The following TAS1R2 variants were observed in gnomAD, a reference collection of about 807,000 sequenced individuals.
TAS1R2 encodes taste 1 receptor member 2.
A neutral mutation model predicts 49.3 loss-of-function variants in TAS1R2; 47 were observed. The ratio of observed to expected loss-of-function variants is 0.95; its 90% CI spans 0.75 to 1.22. The LOEUF (loss-of-function observed/expected upper bound fraction) is 1.22. TAS1R2 is among the 50% of genes most tolerant of loss of function. TAS1R2 has a pLI of 0.00. For missense variants in TAS1R2, 1,155 were observed against 1,122.1 expected (o/e 1.03, Z -0.42); for synonymous variants, 479 against 467.9 (o/e 1.02, Z -0.31).
intron 5 of TAS1R2, among the ~76,000 whole-genome samples, chr1:18,841,037 T>C (rs1288274392): frequency 1.3e-5 from 2 of 152,222 alleles, no homozygotes; most frequent in African/African-American, 4.8e-5. Context: ...CACAAACTTG[T>C]TCACCACCTG....
intron 2 of TAS1R2, 36 bp downstream of exon 2, chr1:18,857,295 C>G (rs377549890): frequency 3.0e-5 from 48 of 1,595,242 alleles, no homozygotes; most frequent in Non-Finnish European, 3.9e-5. Flanking sequence ...CTCTGCCCCC[C>G]TCCCCAGGTC....
intron 4 of TAS1R2, among the ~76,000 whole-genome samples, chr1:18,845,992 G>A (rs28451477): frequency 0.3 from 46,308 of 152,046 alleles, 7,711 homozygotes; most frequent in Non-Finnish European, 0.37. Context: ...CTGAGCTGGC[G>A]GCTGCTCTAA....
At chr1:18,852,206 T>C (rs1440972326) in intron 3 of TAS1R2, among the ~76,000 whole-genome samples, 2 of 150,134 alleles carry the variant, frequency 1.3e-5, no homozygotes, top group African/African-American at 2.5e-5. Flanking sequence ...ATACCTGTTA[T>C]GACAAAAATA....
chr1:18,839,910 G>A (rs146892883), exon 6 of TAS1R2: 1 of 1,614,258 alleles, frequency 6.2e-7, no homozygotes, highest in Non-Finnish European at 8.5e-7. Flanking sequence ...ACTGAGAGCA[G>A]CAGGTCCAGG....
Position 18,841,757 on chromosome 1 carries a change from A to G in TAS1R2, c.1563T>C (p.Leu521=), listed in dbSNP as rs144592242. ...CAGTGTGGTTGAGGAAGGTGCCGGG[A>G]AGGCAGTCGATGCACTCGAAGCAGC... Residue 521 remains leucine (L), a synonymous_variant, in exon 5 of 6, where the codon CTT becomes CTC. Transcript: ENST00000375371. The G allele has an allele frequency of 4.5e-5, 72 of 1,613,900 alleles. 1 individual carries two copies. In the African/African-American group the frequency reaches 7.7e-4, roughly 17 times the overall value.
chr1:18,852,134 T>C (rs1934040225), intron 3 of TAS1R2, among the ~76,000 whole-genome samples: 1 of 152,154 alleles, frequency 6.6e-6, no homozygotes, highest in South Asian at 2.1e-4. Flanking sequence ...TGGCCTCGGT[T>C]TGGGAGGTGT....
Position 18,854,554 on chromosome 1 carries a change from T to A in TAS1R2, c.916A>T (p.Ile306Phe). Residue 306 changes from isoleucine (I) to phenylalanine (F), a missense_variant, in exon 3 of 6, where the codon ATC (isoleucine) becomes TTC (phenylalanine). Transcript: ENST00000375371. This position sits in a 1 kb window ranked among gnomAD's most constrained non-coding sequence, Gnocchi z 4.9. Reference sequence around the variant, plus strand: ...GTGAGGTTGTGCAGGACCGGGTCGATGGCCCAGGACTCGGAGGCGATCCAC... The same window carrying A: ...GTGAGGTTGTGCAGGACCGGGTCGAAGGCCCAGGACTCGGAGGCGATCCAC... The A allele has an allele frequency of 6.2e-7, 1 of 1,613,484 alleles. No homozygotes were observed. Among genetic ancestry groups the A allele is most frequent in the Non-Finnish European group, 8.5e-7 (1 of 1,179,782 alleles).
intron 3 of TAS1R2, among the ~76,000 whole-genome samples, chr1:18,851,624 C>A (rs562518129): frequency 6.6e-6 from 1 of 152,162 alleles, no homozygotes; most frequent in African/African-American, 2.4e-5. Context: ...CCACCGCACC[C>A]GGCCAACCTG....
chr1:18,839,844 C>T, exon 6 of TAS1R2: 3 of 1,614,222 alleles, frequency 1.9e-6, no homozygotes, highest in Non-Finnish European at 2.5e-6. Context: ...ATGAACTTGG[C>T]CTCGTTGTAG....
chr1:18,856,359 C>T (rs1215255421), intron 2 of TAS1R2, among the ~76,000 whole-genome samples: 1 of 152,150 alleles, frequency 6.6e-6, no homozygotes, highest in Non-Finnish European at 1.5e-5. Context: ...ACCCACCTGA[C>T]CACCCTGTTG....
exon 5 of TAS1R2, chr1:18,841,801 G>T: frequency 2.5e-6 from 4 of 1,613,778 alleles, no homozygotes; most frequent in Non-Finnish European, 3.4e-6. Flanking sequence ...ATGCCCACAG[G>T]CTTCTTCTTT....
exon 6 of TAS1R2, chr1:18,840,417 C>A (rs536329276): frequency 1.9e-6 from 3 of 1,614,126 alleles, no homozygotes; most frequent in Non-Finnish European, 2.5e-6. Context: ...AGGGCCACAG[C>A]GATGGTGGGT....
At chr1:18,852,883 A>G (rs1228718994) in intron 3 of TAS1R2, among the ~76,000 whole-genome samples, 1 of 152,218 alleles carries the variant, frequency 6.6e-6, no homozygotes, top group African/African-American at 2.4e-5. Flanking sequence ...AGATCTTATT[A>G]ACTGTCCTCA....
exon 6 of TAS1R2, chr1:18,839,881 G>A: frequency 1.2e-6 from 2 of 1,614,234 alleles, no homozygotes; most frequent in Non-Finnish European, 1.7e-6. Flanking sequence ...TGCCCATGTA[G>A]GCGAAGCTGA....
rs191078239 is a variant in TAS1R2, at chr1:18,846,410, C to T, written c.1467+2931G>A. Reference sequence around the variant, plus strand: ...GGTTGTTCTCTTGGACCAACTTTCCCTGTTCCCTGTGGAACTCTCCCCAGT... The same window carrying T: ...GGTTGTTCTCTTGGACCAACTTTCCTTGTTCCCTGTGGAACTCTCCCCAGT... On this transcript the variant is annotated intron_variant, in intron 4 of 5. Transcript: ENST00000375371. 2.5e-3 allele frequency among the ~76,000 whole-genome samples: 384 copies of T among 152,340 alleles called. 2 individuals carry two copies. Among genetic ancestry groups the T allele is most frequent in the Middle Eastern group, 0.014 (4 of 294 alleles).
chr1:18,846,342 A>G (rs1933920303), intron 4 of TAS1R2, among the ~76,000 whole-genome samples: 1 of 152,210 alleles, frequency 6.6e-6, no homozygotes, highest in Non-Finnish European at 1.5e-5. Context: ...GGGAGGTCCC[A>G]GTAAGATTGA....
intron 3 of TAS1R2, among the ~76,000 whole-genome samples, chr1:18,851,621 A>C (rs377577085): frequency 5.1e-4 from 77 of 152,030 alleles, no homozygotes; most frequent in African/African-American, 1.7e-3. Flanking sequence ...GAGCCACCGC[A>C]CCCGGCCAAC....
intron 3 of TAS1R2, among the ~76,000 whole-genome samples, chr1:18,852,718 G>A (rs1300511072): frequency 2.0e-5 from 3 of 152,240 alleles, no homozygotes; most frequent in South Asian, 2.1e-4. Context: ...GCCCAGTCAC[G>A]TGGCCAGGCC....
rs1413869013 is a variant in TAS1R2, at chr1:18,854,043, T to C, written c.1257+170A>G. Among the ~76,000 whole-genome samples, 3 of 152,164 alleles carry C rather than the reference T, an allele frequency of 2.0e-5. No individual in the cohort carries two copies. The highest frequency in any genetic ancestry group is 4.4e-5 in the Non-Finnish European group (3 of 68,040). ...CCCAAGAACAGACTACTATCTTGAA[T>C]GGTGAGTGTTCAATTAATTTAAAAA... On this transcript the variant is annotated intron_variant, in intron 3 of 5. Transcript: ENST00000375371. This position sits in a 1 kb window ranked among gnomAD's most constrained non-coding sequence, Gnocchi z 4.9.
Sources: gnomAD v4.1 joint callset for allele counts (sites outside exome capture counted in the v4.1 genomes callset) on GRCh38, gnomAD v4.1.1 for gene constraint, Gnocchi (gnomAD v3.1) non-coding constraint, MANE v1.5 for transcripts, NCBI Gene and HGNC (gene_info 2026-07-23, HGNC 2026-07-21) for gene names.